The following PLPP4 variants were observed in gnomAD, a reference collection of about 807,000 sequenced individuals.
The protein encoded by PLPP4 is phospholipid phosphatase 4.
Under a neutral mutation model 32.2 loss-of-function variants are expected in PLPP4, and 20 were observed. That is an observed-to-expected ratio of 0.62 (90% CI 0.44 to 0.90). PLPP4 has a LOEUF of 0.90. Among genes scored for constraint, PLPP4 ranks in the 40% least tolerant of loss-of-function variants. PLPP4 has a pLI of 0.00. For synonymous variants in PLPP4, 127 were observed against 133.0 expected (o/e 0.95, Z 0.31); for missense variants, 257 against 353.1 (o/e 0.73, Z 2.18).
At chr10:120,570,347 A>G (rs12220657) in intron 5 of PLPP4, among the ~76,000 whole-genome samples, 6,889 of 152,102 alleles carry the variant, frequency 0.045, 257 homozygotes, top group South Asian at 0.21. Flanking sequence ...AAACTACCCA[A>G]CGTTGCCTTT....
chr10:120,494,499 T>C (rs1844872787), intron 1 of PLPP4, among the ~76,000 whole-genome samples: 1 of 152,218 alleles, frequency 6.6e-6, no homozygotes, highest in African/African-American at 2.4e-5. Context: ...CTCCCGGCTC[T>C]GCCTTGGTTG....
intron 1 of PLPP4, among the ~76,000 whole-genome samples, chr10:120,496,912 AGTGTGTGTGTGT>A (rs3066553): frequency 6.7e-6 from 1 of 149,420 alleles, no homozygotes; most frequent in Non-Finnish European, 1.5e-5. Flanking sequence ...AGAATGTGTG[AGTGTGTGTGTGT>A]GTGTGTGTGT....
intron 6 of PLPP4, among the ~76,000 whole-genome samples, chr10:120,580,719 G>A (rs1468468250): frequency 6.6e-6 from 1 of 150,592 alleles, no homozygotes; most frequent in Admixed American, 6.6e-5. Flanking sequence ...GGCCTCCCTT[G>A]TGCTGTCAGA....
intron 5 of PLPP4, among the ~76,000 whole-genome samples, chr10:120,569,051 CAACATGGTGA>C (rs1360947281): frequency 6.6e-6 from 1 of 152,114 alleles, no homozygotes; most frequent in African/African-American, 2.4e-5. Flanking sequence ...CCAGCCTAGC[CAACATGGTGA>C]AACCCCAACT....
intron 1 of PLPP4, among the ~76,000 whole-genome samples, chr10:120,458,073 G>A (rs935254404): frequency 1.3e-5 from 2 of 152,184 alleles, no homozygotes; most frequent in Admixed American, 1.3e-4. Context: ...AGGGGTGGTG[G>A]CGCAGGTTCT....
intron 5 of PLPP4, among the ~76,000 whole-genome samples, chr10:120,559,880 A>G (rs1848338860): frequency 6.6e-6 from 1 of 152,244 alleles, no homozygotes; most frequent in Non-Finnish European, 1.5e-5. Context: ...TTCGCAGTCA[A>G]TAAACTTGAA....
At chr10:120,461,282 T>C (rs537730412) in intron 1 of PLPP4, among the ~76,000 whole-genome samples, 2 of 152,314 alleles carry the variant, frequency 1.3e-5, no homozygotes, top group South Asian at 4.1e-4. Flanking sequence ...ACTGCTTTCT[T>C]CCACCGTTTT....
chr10:120,532,325 G>T (rs368584127), intron 5 of PLPP4, among the ~76,000 whole-genome samples: 186 of 152,042 alleles, frequency 1.2e-3, no homozygotes, highest in African/African-American at 4.3e-3. Context: ...TGGGCATTTG[G>T]GTTGGTTCCA....
intron 1 of PLPP4, among the ~76,000 whole-genome samples, chr10:120,497,995 G>A (rs1424125468): frequency 3.3e-5 from 5 of 151,846 alleles, no homozygotes; most frequent in Middle Eastern, 3.4e-3. Context: ...AGCAGAGATC[G>A]CACCACTGCA....
At chr10:120,562,419 C>T (rs1272451759) in intron 5 of PLPP4, among the ~76,000 whole-genome samples, 1 of 152,068 alleles carries the variant, frequency 6.6e-6, no homozygotes, top group Non-Finnish European at 1.5e-5. Flanking sequence ...AATTCCTAAC[C>T]CTTTTTATTG....
chr10:120,475,471 A>G (rs1212143090), intron 1 of PLPP4, among the ~76,000 whole-genome samples: 1 of 152,198 alleles, frequency 6.6e-6, no homozygotes, highest in African/African-American at 2.4e-5. Context: ...ATGTTTCTAG[A>G]CAGGCTTTGT....
chr10:120,462,955 G>A (rs948462620), intron 1 of PLPP4, among the ~76,000 whole-genome samples: 1 of 151,378 alleles, frequency 6.6e-6, no homozygotes, highest in Non-Finnish European at 1.5e-5. Context: ...TCTACCATCA[G>A]TCCTTTCTAT....
In PLPP4 at chr10:120,535,725, T is replaced by C. The variant is rs1328813328; in HGVS notation, c.445+14630T>C. 3.3e-5 allele frequency among the ~76,000 whole-genome samples: 5 copies of C among 152,168 alleles called. No individual in the cohort carries two copies. The East Asian group carries it at 9.6e-4, about 29-fold the overall frequency. On this transcript the variant is annotated intron_variant, in intron 5 of 6. Coordinates refer to ENST00000398250, the MANE Select transcript of PLPP4 (RefSeq NM_001030059.3). ...ATGTCCTCGTTTTTTATTTTATCTC[T>C]TCCTGTTTCATGATGTGACTTCATG...
intron 5 of PLPP4, among the ~76,000 whole-genome samples, chr10:120,550,471 C>T (rs1196983308): frequency 4.6e-5 from 7 of 151,644 alleles, no homozygotes; most frequent in African/African-American, 1.5e-4. Flanking sequence ...CTAGGATAGC[C>T]GAACAATTTT....
chr10:120,524,453 G>A (rs1846301670), intron 5 of PLPP4, among the ~76,000 whole-genome samples: 2 of 152,212 alleles, frequency 1.3e-5, no homozygotes, highest in South Asian at 4.1e-4. Flanking sequence ...CTCCATGCTA[G>A]GTAGACATGG....
At chr10:120,582,782 C>CCTCT (rs1298166025) in intron 6 of PLPP4, among the ~76,000 whole-genome samples, 26 of 110,468 alleles carry the variant, frequency 2.4e-4, no homozygotes, top group Non-Finnish European at 4.6e-4. Flanking sequence ...TTCCTCCCTC[C>CCTCT]CTCCCTCCCT....
chr10:120,507,375 T>C (rs984732378), intron 2 of PLPP4, among the ~76,000 whole-genome samples: 9 of 133,536 alleles, frequency 6.7e-5, no homozygotes, highest in Non-Finnish European at 1.3e-4. Context: ...ATCATCATCA[T>C]CATCATCATC....
At chr10:120,520,941 T>C (rs954467950) in intron 4 of PLPP4, 30 bp from the exon 5 acceptor site, 1 of 1,613,510 alleles carries the variant, frequency 6.2e-7, no homozygotes, top group African/African-American at 1.3e-5. Context: ...CAGCATTTTA[T>C]ATTGAAAATG....
Position 120,589,285 on chromosome 10 carries a change from C to T in PLPP4, c.617-18C>T, listed in dbSNP as rs779228890. On this transcript the variant is annotated intron_variant, in intron 6 of 6. Coordinates refer to ENST00000398250, the MANE Select transcript of PLPP4 (RefSeq NM_001030059.3). ...CAAATGGTAACCCATTTTTCCTGCTCTGCTGTTTCCTGCCTAGATTCCTTT... is the reference window on the plus strand; with the variant it reads ...CAAATGGTAACCCATTTTTCCTGCTTTGCTGTTTCCTGCCTAGATTCCTTT... 6.2e-7 allele frequency: 1 copy of T among 1,611,514 alleles called. No individual in the cohort carries two copies.
Sources: allele counts gnomAD v4.1 joint callset (sites outside exome capture counted in the v4.1 genomes callset), GRCh38; gene constraint gnomAD v4.1.1; transcripts MANE v1.5; gene names NCBI Gene and HGNC (gene_info 2026-07-23, HGNC 2026-07-21).